The following IRF2 variants were observed in gnomAD, a reference collection of about 807,000 sequenced individuals.
The protein encoded by IRF2 is interferon regulatory factor 2.
A neutral mutation model predicts 40.6 loss-of-function variants in IRF2; 15 were observed. The ratio of observed to expected loss-of-function variants is 0.37; its 90% CI spans 0.25 to 0.57. The LOEUF is 0.57. Among genes scored for constraint, IRF2 ranks in the 20% least tolerant of loss-of-function variants. The pLI is 0.77. For missense variants in IRF2, 317 were observed against 455.7 expected (o/e 0.70, Z 2.77); for synonymous variants, 151 against 165.5 (o/e 0.91, Z 0.67).
intron 5 of IRF2, among the ~76,000 whole-genome samples, chr4:184,409,064 G>A (rs1736975797): frequency 1.3e-5 from 2 of 152,146 alleles, no homozygotes; most frequent in Admixed American, 1.3e-4. Context: ...CAGCCCTGAG[G>A]TGCCTGTGGA....
chr4:184,416,730 C>CAA lies in IRF2; in HGVS notation c.411+1435_411+1436dup, dbSNP rs34454979. 3.9e-3 allele frequency among the ~76,000 whole-genome samples: 588 copies of CAA among 151,720 alleles called. 9 individuals carry two copies. The highest frequency in any genetic ancestry group is 0.013 in the African/African-American group (544 of 41,366). On this transcript the variant is annotated intron_variant, in intron 5 of 8. Coordinates refer to ENST00000393593, the MANE Select transcript of IRF2 (RefSeq NM_002199.4). Reference sequence around the variant, plus strand: ...TTGCTTCAAATTCCAAAAAATAGTTCAAAAAAAAGCTGAACTATAAAAAAT... The same window carrying CAA: ...TTGCTTCAAATTCCAAAAAATAGTTCAAAAAAAAAAGCTGAACTATAAAAAAT...
intron 8 of IRF2, among the ~76,000 whole-genome samples, chr4:184,390,319 G>C (rs1480923063): frequency 6.6e-6 from 1 of 152,242 alleles, no homozygotes; most frequent in African/African-American, 2.4e-5. Context: ...AGAGGCTTTT[G>C]CTTAGCATTT....
intron 1 of IRF2, among the ~76,000 whole-genome samples, chr4:184,446,706 A>G (rs1166142952): frequency 6.6e-6 from 1 of 152,116 alleles, no homozygotes; most frequent in Non-Finnish European, 1.5e-5. Context: ...ACAGAGGTAA[A>G]AAAGCATGCA....
chr4:184,445,339 G>A (rs1025148270), intron 1 of IRF2, among the ~76,000 whole-genome samples: 1 of 152,140 alleles, frequency 6.6e-6, no homozygotes, highest in Non-Finnish European at 1.5e-5. Context: ...TCAGCAGGGT[G>A]CCCTAATTTT....
At chr4:184,414,126 C>T (rs1201445114) in intron 5 of IRF2, among the ~76,000 whole-genome samples, 3 of 152,218 alleles carry the variant, frequency 2.0e-5, no homozygotes, top group Non-Finnish European at 4.4e-5. Flanking sequence ...AGGGAAATGA[C>T]CTGCCCATCA....
chr4:184,390,620 C>T (rs2149889957), intron 8 of IRF2, 83 bp downstream of exon 8: 2 of 1,298,658 alleles, frequency 1.5e-6, no homozygotes, highest in Non-Finnish European at 2.2e-6. Flanking sequence ...AGGAAAGGTG[C>T]ATAACCAGCA....
At chr4:184,401,380 G>A (rs1561086677) in intron 6 of IRF2, among the ~76,000 whole-genome samples, 1 of 152,164 alleles carries the variant, frequency 6.6e-6, no homozygotes, top group African/African-American at 2.4e-5. Flanking sequence ...CTCAGAAAGG[G>A]GATTTGGGGC....
Position 184,419,567 on chromosome 4 carries a change from T to C in IRF2, c.89A>G (p.Glu30Gly). 2 of 1,194,506 alleles carry C rather than the reference T, an allele frequency of 1.7e-6. No individual in the cohort carries two copies. The highest frequency in any genetic ancestry group is 2.4e-6 in the Non-Finnish European group (2 of 845,402). The allele number at this position is 1,194,506 out of a possible 1,614,324, so 74.0% of individuals were successfully genotyped here. Residue 30 changes from glutamate (E) to glycine (G), a missense_variant and splice_region_variant, in exon 3 of 9, where the codon GAA becomes GGA. By Grantham distance (98) the Glu-to-Gly change is moderately conservative (BLOSUM62 -2). Transcript: ENST00000393593. The part of the protein sequence containing the change: ...TIPGLKWLNK[E>G]KKIFQIPWMH... Reference sequence around the variant, plus strand: ...CCAGGGGATCTGAAAAATCTTCTTTTCCTGAAAAAAAAAAAAAAAAAAAAG... The same window carrying C: ...CCAGGGGATCTGAAAAATCTTCTTTCCCTGAAAAAAAAAAAAAAAAAAAAG...
chr4:184,399,171 G>A, intron 6 of IRF2, 92 bp from the exon 7 acceptor site: 11 of 1,347,770 alleles, frequency 8.2e-6, no homozygotes, highest in Non-Finnish European at 1.0e-5. Context: ...AAAGAGCCAG[G>A]TCGCCAGGCT....
intron 1 of IRF2, among the ~76,000 whole-genome samples, chr4:184,467,755 C>T (rs1196825475): frequency 1.3e-5 from 2 of 152,212 alleles, no homozygotes; most frequent in Non-Finnish European, 2.9e-5. Context: ...CTCATCTCTC[C>T]TTTGATGGCA....
chr4:184,405,758 T>A (rs1041054968), intron 6 of IRF2, among the ~76,000 whole-genome samples: 1 of 152,076 alleles, frequency 6.6e-6, no homozygotes, highest in African/African-American at 2.4e-5. Flanking sequence ...GACAGCTAAT[T>A]ATAAACGAGG....
chr4:184,465,181 AC>A (rs141784439), intron 1 of IRF2, among the ~76,000 whole-genome samples: 29,372 of 152,230 alleles, frequency 0.19, 3,560 homozygotes, highest in South Asian at 0.31. Flanking sequence ...CCAAAAAGCC[AC>A]CAATCTAAGT....
intron 2 of IRF2, among the ~76,000 whole-genome samples, chr4:184,426,847 C>T (rs1011454091): frequency 1.3e-5 from 2 of 152,212 alleles, no homozygotes; most frequent in African/African-American, 4.8e-5. Flanking sequence ...TCTCCCACTC[C>T]ACATCAAACA....
At chr4:184,473,432 G>A (rs1739599309) in intron 1 of IRF2, among the ~76,000 whole-genome samples, 1 of 147,560 alleles carries the variant, frequency 6.8e-6, no homozygotes, top group African/African-American at 2.4e-5. Context: ...CCGCGGCCCG[G>A]GCGGCTGACC....
intron 2 of IRF2, among the ~76,000 whole-genome samples, chr4:184,427,427 G>A (rs1442054858): frequency 3.9e-5 from 6 of 152,218 alleles, no homozygotes; most frequent in East Asian, 1.9e-4. Context: ...AGGCCAAGGC[G>A]GGCAGCACTT....
rs547222817 is a variant in IRF2, at chr4:184,392,942, G to A, written c.695-2193C>T. On this transcript the variant is annotated intron_variant, in intron 7 of 8. Coordinates refer to ENST00000393593, the MANE Select transcript of IRF2 (RefSeq NM_002199.4). ...GTGCTGGGAGCCACAGAGACCCAGA[G>A]AAGCCCTCAGCCTCAGCTGACGACG... Among the ~76,000 whole-genome samples, 312 of 152,260 alleles carry A rather than the reference G, an allele frequency of 2.0e-3. 1 individual carries two copies. The highest frequency in any genetic ancestry group is 4.2e-3 in the South Asian group (20 of 4,808).
chr4:184,473,591 G>C (rs1739607856), intron 1 of IRF2, among the ~76,000 whole-genome samples: 1 of 147,510 alleles, frequency 6.8e-6, no homozygotes. Flanking sequence ...CGGCGGCCCA[G>C]CCCCCAGGAA....
intron 7 of IRF2, among the ~76,000 whole-genome samples, chr4:184,395,875 TC>T (rs1736436529): frequency 1.3e-5 from 2 of 152,238 alleles, no homozygotes; most frequent in African/African-American, 4.8e-5. Context: ...TGTTCATTTC[TC>T]TCTGCATGGA....
intron 7 of IRF2, among the ~76,000 whole-genome samples, chr4:184,397,338 G>A (rs1736504187): frequency 6.6e-6 from 1 of 152,156 alleles, no homozygotes; most frequent in South Asian, 2.1e-4. Flanking sequence ...GGGCTGGGGT[G>A]GAGGAGGGAA....
Sources: allele counts gnomAD v4.1 joint callset (sites outside exome capture counted in the v4.1 genomes callset), GRCh38; gene constraint gnomAD v4.1.1; transcripts MANE v1.5; gene names NCBI Gene and HGNC (gene_info 2026-07-23, HGNC 2026-07-21).